The following BZW2 variants were observed in gnomAD, a reference collection of about 807,000 sequenced individuals.
BZW2 encodes basic leucine zipper and W2 domains 2.
In BZW2, 23 loss-of-function variants were observed where a neutral mutation model predicts 53.2. That is an observed-to-expected ratio of 0.43 (90% confidence interval 0.31 to 0.61). BZW2 has a LOEUF of 0.61. Among genes scored for constraint, BZW2 ranks in the 20% least tolerant of loss-of-function variants. The pLI is 0.09. For missense variants in BZW2, 409 were observed against 503.1 expected (o/e 0.81, Z 1.79); for synonymous variants, 227 against 186.4 (o/e 1.22, Z -1.77).
At chr7:16,678,586 C>T (rs1170985438) in intron 3 of BZW2, among the ~76,000 whole-genome samples, 16 of 152,066 alleles carry the variant, frequency 1.1e-4, no homozygotes, top group Admixed American at 1.0e-3. Context: ...AAAAAACATA[C>T]CTCTCAAAAG....
chr7:16,689,745 A>G lies in BZW2; in HGVS notation c.542-52A>G, dbSNP rs556729599. On this transcript the variant is annotated intron_variant, in intron 6 of 11. Transcript: ENST00000258761. ...AAACCTGGTTGCTTTGCACACCATC[A>G]CAATTGGTTTTGCTCGTAAAAGGAA... 8.1e-6 allele frequency: 12 copies of G among 1,479,402 alleles called. 1 individual carries two copies. The African/African-American group carries it at 1.3e-4, about 15-fold the overall frequency. 91.6% of individuals were successfully genotyped at this position (1,479,402 alleles called of 1,614,324 possible). A position where few individuals can be genotyped will look rare whatever the true frequency, so the allele number is the denominator to read the frequency against.
intron 6 of BZW2, chr7:16,686,280 A>G: frequency 2.2e-6 from 1 of 450,180 alleles, no homozygotes; most frequent in Non-Finnish European, 3.9e-6. Context: ...AGAAAGACTA[A>G]TAGCAAATTA....
chr7:16,682,415 G>A (rs564382860), intron 4 of BZW2, among the ~76,000 whole-genome samples: 1 of 152,084 alleles, frequency 6.6e-6, no homozygotes, highest in East Asian at 1.9e-4. Flanking sequence ...CCTGCACTTT[G>A]CTCTCCTCCC....
At chr7:16,647,041 A>C (rs529055861) in intron 1 of BZW2, among the ~76,000 whole-genome samples, 1 of 152,254 alleles carries the variant, frequency 6.6e-6, no homozygotes, top group East Asian at 1.9e-4. Flanking sequence ...TAGCCTCTTA[A>C]TCCAACCTTC....
chr7:16,677,627 A>G (rs956689114), intron 3 of BZW2, among the ~76,000 whole-genome samples: 13 of 152,144 alleles, frequency 8.5e-5, no homozygotes, highest in Non-Finnish European at 5.9e-5. Flanking sequence ...GAACATTTTT[A>G]GTTTTACAGC....
In BZW2 at chr7:16,685,941, C is replaced by T; in HGVS notation, c.442C>T (p.Gln148Ter). ...CCTTAAAGCCTTTTCCGAAACAGAG[C>T]AGACAAAGTTGGCGATGCTGTCGGG... The part of the protein sequence containing the change: ...LFLKAFSETE[Q>*]TKLAMLSGIL... Residue 148 changes from glutamine (Q) to a stop codon, truncating the protein, a stop_gained, in exon 6 of 12, where the codon CAG (glutamine) becomes TAG (stop). Transcript: ENST00000258761. LOFTEE classifies it high-confidence loss of function. The T allele has an allele frequency of 6.4e-7, 1 of 1,557,628 alleles. No homozygotes were observed.
At chr7:16,695,677 A>T (rs1301645459) in intron 8 of BZW2, among the ~76,000 whole-genome samples, 1 of 152,152 alleles carries the variant, frequency 6.6e-6, no homozygotes, top group Admixed American at 6.5e-5. Context: ...AAAATCTTTC[A>T]TGCAACAATT....
intron 2 of BZW2, among the ~76,000 whole-genome samples, chr7:16,673,902 A>T (rs941051403): frequency 1.3e-5 from 2 of 151,940 alleles, no homozygotes; most frequent in South Asian, 2.1e-4. Context: ...TATTATTATT[A>T]TTTTTAATTT....
chr7:16,703,098 C>G (rs529657240), intron 10 of BZW2, among the ~76,000 whole-genome samples: 2 of 152,118 alleles, frequency 1.3e-5, no homozygotes, highest in South Asian at 4.1e-4. Flanking sequence ...CTCCTCAGCT[C>G]TATGACAATT....
intron 6 of BZW2, among the ~76,000 whole-genome samples, chr7:16,687,974 T>A (rs1412157214): frequency 6.6e-6 from 1 of 152,176 alleles, no homozygotes; most frequent in African/African-American, 2.4e-5. Context: ...TCTTAAGTTG[T>A]TTAACATGAA....
chr7:16,665,118 C>T (rs1262217601), intron 1 of BZW2, among the ~76,000 whole-genome samples: 1 of 151,972 alleles, frequency 6.6e-6, no homozygotes, highest in Non-Finnish European at 1.5e-5. Context: ...AAGACCTGGC[C>T]ACCATGGTGA....
At chr7:16,704,799 C>T in intron 11 of BZW2, 130 bp downstream of exon 11, 1 of 994,478 alleles carries the variant, frequency 1.0e-6, no homozygotes, top group Non-Finnish European at 1.3e-6. Context: ...TCGTATCAAA[C>T]ATTTTGCCAA....
At chr7:16,661,296 C>G (rs1207384534) in intron 1 of BZW2, 1 of 152,146 alleles carries the variant, frequency 6.6e-6, no homozygotes, top group African/African-American at 2.4e-5. Context: ...ATGGAGAGAA[C>G]TAAAGAAGAG....
chr7:16,696,121 A>G (rs1783477686), intron 8 of BZW2: 1 of 152,150 alleles, frequency 6.6e-6, no homozygotes, highest in Admixed American at 6.5e-5. Context: ...ATGTGTTTCC[A>G]GCAAAAAAGA....
chr7:16,696,806 C>T (rs540234431), intron 8 of BZW2, 109 bp from the exon 9 acceptor site: 21 of 1,055,696 alleles, frequency 2.0e-5, no homozygotes, highest in Non-Finnish European at 2.8e-5. Context: ...AGAAGCTAAG[C>T]AGATTGTTTC....
intron 1 of BZW2, among the ~76,000 whole-genome samples, chr7:16,656,656 C>A (rs1403540395): frequency 1.3e-5 from 2 of 151,458 alleles, no homozygotes; most frequent in African/African-American, 4.9e-5. Flanking sequence ...TTAATTGTTG[C>A]AAAATGGTGA....
intron 6 of BZW2, 111 bp from the exon 7 acceptor site, chr7:16,689,685 CA>C (rs1247395348): frequency 3.9e-6 from 3 of 777,842 alleles, no homozygotes; most frequent in African/African-American, 1.8e-5. Flanking sequence ...TCATTTGTAC[CA>C]AAATTAGTCT....
At chr7:16,654,675 C>T (rs529355512) in intron 1 of BZW2, among the ~76,000 whole-genome samples, 1 of 151,336 alleles carries the variant, frequency 6.6e-6, no homozygotes, top group Non-Finnish European at 1.5e-5. Flanking sequence ...GCTGGGGTTA[C>T]AGGCGTGCAA....
In BZW2 at chr7:16,658,157, A is replaced by G. The variant is rs184621513; in HGVS notation, c.-7-7280A>G. On this transcript the variant is annotated intron_variant, in intron 1 of 11. Transcript: ENST00000258761. ...ATCTGGGGAAAGTGCAAGGGCCCAG[A>G]GGAAGGAATGCACATGCCTTAAGGG... 2.0e-5 allele frequency among the ~76,000 whole-genome samples: 3 copies of G among 152,300 alleles called. No individual in the cohort carries two copies. The East Asian group carries it at 5.8e-4, about 29-fold the overall frequency.
Sources: allele counts gnomAD v4.1 joint callset (sites outside exome capture counted in the v4.1 genomes callset), GRCh38; gene constraint gnomAD v4.1.1; transcripts MANE v1.5; gene names NCBI Gene and HGNC (gene_info 2026-07-23, HGNC 2026-07-21).